The following AUTS2 variants were observed in gnomAD, a reference collection of about 807,000 sequenced individuals.
AUTS2 encodes autism susceptibility gene 2 protein.
In AUTS2, 17 loss-of-function variants were observed where a neutral mutation model predicts 112.4. That is an observed-to-expected ratio of 0.15 (90% confidence interval 0.10 to 0.23). AUTS2 has a LOEUF of 0.23. Among genes scored for constraint, AUTS2 ranks in the 10% least tolerant of loss-of-function variants. The probability of loss-of-function intolerance (pLI) is 1.00; values close to 1 mark genes in which losing one functional copy is unlikely to be tolerated. For missense variants in AUTS2, 1,510 were observed against 1,701.6 expected, an observed-to-expected ratio of 0.89 and a Z score of 1.98; for synonymous variants, 751 against 702.7, an observed-to-expected ratio of 1.07 and a Z score of -1.09.
At chr7:70,043,686 C>T (rs1028352713) in intron 2 of AUTS2, among the ~76,000 whole-genome samples, 3 of 150,974 alleles carry the variant, frequency 2.0e-5, no homozygotes, top group Admixed American at 6.6e-5. Context: ...CTTGGCTTAC[C>T]ACAACCTCCA....
At chr7:69,742,111 CTT>C (rs752148406) in intron 1 of AUTS2, among the ~76,000 whole-genome samples, 168 of 125,650 alleles carry the variant, frequency 1.3e-3, no homozygotes, top group East Asian at 3.4e-3. Flanking sequence ...CCTATTTTAC[CTT>C]TTTTTTTTTT....
intron 2 of AUTS2, among the ~76,000 whole-genome samples, chr7:70,017,593 G>A (rs1800085523): frequency 6.6e-6 from 1 of 152,128 alleles, no homozygotes; most frequent in African/African-American, 2.4e-5. Flanking sequence ...CCCTGCAGGG[G>A]ATCAGCTGGA....
intron 1 of AUTS2, among the ~76,000 whole-genome samples, chr7:69,806,051 C>A (rs1046349381): frequency 6.6e-6 from 1 of 151,836 alleles, no homozygotes; most frequent in South Asian, 2.1e-4. Flanking sequence ...AGGCACGTGA[C>A]ACCACACCTG....
chr7:70,650,248 G>T (rs895445840), intron 5 of AUTS2, among the ~76,000 whole-genome samples: 2 of 152,152 alleles, frequency 1.3e-5, no homozygotes, highest in Non-Finnish European at 2.9e-5. Flanking sequence ...GCCAGAACTG[G>T]GTTACATACC....
At chr7:70,187,711 A>G (rs1460831354) in intron 4 of AUTS2, among the ~76,000 whole-genome samples, 4 of 151,994 alleles carry the variant, frequency 2.6e-5, no homozygotes, top group African/African-American at 7.2e-5. Flanking sequence ...TCAGACATCT[A>G]CAAATCAGTA....
intron 1 of AUTS2, among the ~76,000 whole-genome samples, chr7:69,796,584 T>G (rs1215171356): frequency 1.3e-5 from 2 of 152,034 alleles, no homozygotes; most frequent in Non-Finnish European, 2.9e-5. Flanking sequence ...CCATGCAGTC[T>G]TTCCCAGAAT....
At chr7:70,303,432 G>GCACACACACACACACA (rs762636923) in intron 4 of AUTS2, among the ~76,000 whole-genome samples, 1 of 103,086 alleles carries the variant, frequency 9.7e-6, no homozygotes, top group African/African-American at 4.0e-5. Context: ...ACGCGCGCGC[G>GCACACACACACACACA]CGCACATACA....
At chr7:69,946,132 C>T (rs984549034) in intron 2 of AUTS2, among the ~76,000 whole-genome samples, 7 of 152,208 alleles carry the variant, frequency 4.6e-5, no homozygotes, top group African/African-American at 1.7e-4. Flanking sequence ...TAGGCGTGAG[C>T]TACCACACAC....
chr7:69,952,924 A>G lies in AUTS2; in HGVS notation c.522+53426A>G, dbSNP rs146527924. On this transcript the variant is annotated intron_variant, in intron 2 of 18. Coordinates refer to ENST00000342771, the MANE Select transcript of AUTS2 (RefSeq NM_015570.4). ...TGTTTTGTGATCAGTCTTTTCTGCT[A>G]TGGAGGGCACTTTGGACACATTTGA... Among the ~76,000 whole-genome samples, 493 of 152,268 alleles carry G rather than the reference A, an allele frequency of 3.2e-3. 3 individuals are homozygous for G. The highest frequency in any genetic ancestry group is 0.01 in the Middle Eastern group (3 of 294).
intron 5 of AUTS2, among the ~76,000 whole-genome samples, chr7:70,471,971 G>A (rs1797401460): frequency 1.3e-5 from 2 of 152,036 alleles, no homozygotes; most frequent in South Asian, 4.2e-4. Flanking sequence ...GGAGATGAGG[G>A]CAGAGAGGTC....
chr7:69,750,064 C>T (rs749884124), intron 1 of AUTS2, among the ~76,000 whole-genome samples: 1 of 152,086 alleles, frequency 6.6e-6, no homozygotes, highest in Non-Finnish European at 1.5e-5. Flanking sequence ...TTGCAACAGC[C>T]CCCATTTACA....
chr7:70,338,159 T>C (rs1313586356), intron 4 of AUTS2, among the ~76,000 whole-genome samples: 1 of 152,244 alleles, frequency 6.6e-6, no homozygotes, highest in African/African-American at 2.4e-5. Context: ...AATTGCACTC[T>C]CTGCTCTACA....
intron 2 of AUTS2, among the ~76,000 whole-genome samples, chr7:70,078,303 G>A (rs952772352): frequency 1.3e-5 from 2 of 152,116 alleles, no homozygotes; most frequent in Non-Finnish European, 2.9e-5. Context: ...TGGACAAAGA[G>A]ATGATTCTCA....
At chr7:69,796,276 G>C (rs1789837256) in intron 1 of AUTS2, among the ~76,000 whole-genome samples, 1 of 152,186 alleles carries the variant, frequency 6.6e-6, no homozygotes, top group South Asian at 2.1e-4. Context: ...CCAACACTTT[G>C]GGAGGCCGAA....
intron 5 of AUTS2, among the ~76,000 whole-genome samples, chr7:70,573,327 T>C (rs1669005842): frequency 6.6e-6 from 1 of 152,232 alleles, no homozygotes; most frequent in Admixed American, 6.5e-5. Flanking sequence ...TACCTCGACC[T>C]GTCTTTCTGA....
At chr7:70,112,516 C>T (rs1805138425) in intron 2 of AUTS2, among the ~76,000 whole-genome samples, 1 of 151,726 alleles carries the variant, frequency 6.6e-6, no homozygotes, top group African/African-American at 2.4e-5. Flanking sequence ...TTTCTTGTTC[C>T]TTGATTAGTA....
chr7:69,814,163 G>A (rs1431928357), intron 1 of AUTS2, among the ~76,000 whole-genome samples: 1 of 152,110 alleles, frequency 6.6e-6, no homozygotes, highest in East Asian at 1.9e-4. Context: ...TGTACTTTTT[G>A]TTGCTTTAAC....
chr7:70,460,663 G>T (rs990345292), intron 5 of AUTS2, among the ~76,000 whole-genome samples: 9 of 152,112 alleles, frequency 5.9e-5, no homozygotes, highest in African/African-American at 9.7e-5. Flanking sequence ...CCTGGTCTTA[G>T]AGTGGGGTCA....
chr7:70,277,516 A>G (rs1223280730), intron 4 of AUTS2, among the ~76,000 whole-genome samples: 1 of 152,110 alleles, frequency 6.6e-6, no homozygotes, highest in Non-Finnish European at 1.5e-5. Context: ...AAATATTCTA[A>G]GGGTCCCTTG....
Sources: gnomAD v4.1 joint callset for allele counts (sites outside exome capture counted in the v4.1 genomes callset) on GRCh38, gnomAD v4.1.1 for gene constraint, MANE v1.5 for transcripts, NCBI Gene and HGNC (gene_info 2026-07-23, HGNC 2026-07-21) for gene names.